The following SAMSN1 variants were observed in gnomAD, a reference collection of about 807,000 sequenced individuals.
SAMSN1 encodes SAM domain, SH3 domain and nuclear localization signals 1, also known as SAM domain-containing protein SAMSN-1.
A neutral mutation model predicts 42.0 loss-of-function variants in SAMSN1; 31 were observed. The observed-to-expected ratio is 0.74, with a 90% CI of 0.55 to 1.00. The LOEUF (loss-of-function observed/expected upper bound fraction) is 1.00. SAMSN1 is among the 50% of genes least tolerant of loss of function. The pLI is 0.00. For missense variants in SAMSN1, 464 were observed against 439.4 expected, an observed-to-expected ratio of 1.06 and a Z score of -0.50; for synonymous variants, 178 against 151.9, an observed-to-expected ratio of 1.17 and a Z score of -1.26.
At chr21:14,554,241 C>G (rs1316374989) in intron 2 of SAMSN1, among the ~76,000 whole-genome samples, 1 of 152,054 alleles carries the variant, frequency 6.6e-6, no homozygotes, top group Non-Finnish European at 1.5e-5. Flanking sequence ...ACCACACTGC[C>G]TAGGTTCAAA....
intron 1 of SAMSN1, among the ~76,000 whole-genome samples, chr21:14,523,733 C>T (rs1253247137): frequency 6.6e-6 from 1 of 152,144 alleles, no homozygotes; most frequent in Non-Finnish European, 1.5e-5. Flanking sequence ...GGTGCGATTT[C>T]CACAATGGGA....
upstream of SAMSN1, among the ~76,000 whole-genome samples, chr21:14,587,765 T>A (rs1055251672): frequency 6.6e-6 from 1 of 151,918 alleles, no homozygotes; most frequent in African/African-American, 2.4e-5. Context: ...ATTTATTTAT[T>A]TTTTAAATTT....
intron 2 of SAMSN1, among the ~76,000 whole-genome samples, chr21:14,616,738 G>A (rs936146757): frequency 6.6e-6 from 1 of 152,146 alleles, no homozygotes; most frequent in Non-Finnish European, 1.5e-5. Context: ...TTCTGGAGAG[G>A]TTCATTTGTT....
At chr21:14,534,732 T>G (rs2123110594) in intron 1 of SAMSN1, among the ~76,000 whole-genome samples, 1 of 152,278 alleles carries the variant, frequency 6.6e-6, no homozygotes, top group East Asian at 1.9e-4. Flanking sequence ...ATGGTAATTT[T>G]CTTAATTCTC....
intron 2 of SAMSN1, among the ~76,000 whole-genome samples, chr21:14,641,633 G>A (rs897082596): frequency 6.6e-6 from 1 of 152,056 alleles, no homozygotes; most frequent in African/African-American, 2.4e-5. Context: ...CTGAATAAAT[G>A]ATCATTATTA....
chr21:14,605,664 T>A (rs1982544380), intron 5 of SAMSN1, among the ~76,000 whole-genome samples: 1 of 152,062 alleles, frequency 6.6e-6, no homozygotes, highest in South Asian at 2.1e-4. Flanking sequence ...CAAATGATAT[T>A]GACTAGAATT....
chr21:14,621,595 G>GGAGGGGCGCCCACCATTGCC (rs199797741), intron 2 of SAMSN1, among the ~76,000 whole-genome samples: 1 of 151,562 alleles, frequency 6.6e-6, no homozygotes, highest in African/African-American at 2.4e-5. Context: ...AGAGGCTGGG[G>GGAGGGGCGCCCACCATTGCC]GAGGCTTGAG....
chr21:14,541,517 TTTTTTTG>T (rs1568799157), intron 1 of SAMSN1, among the ~76,000 whole-genome samples: 1 of 85,234 alleles, frequency 1.2e-5, no homozygotes, highest in Non-Finnish European at 2.3e-5. Context: ...TTTTTGTGGT[TTTTTTTG>T]TTTGTTTGTT....
intron 3 of SAMSN1, among the ~76,000 whole-genome samples, chr21:14,516,207 C>A (rs73344174): frequency 0.031 from 4,731 of 152,108 alleles, 231 homozygotes; most frequent in African/African-American, 0.11. Context: ...TTCATAATAG[C>A]CAAAAAGTGA....
At chr21:14,613,185 T>G (rs1982753448) in intron 3 of SAMSN1, among the ~76,000 whole-genome samples, 1 of 152,160 alleles carries the variant, frequency 6.6e-6, no homozygotes, top group African/African-American at 2.4e-5. Context: ...TGAAGGTATC[T>G]CAGGATAACC....
At chr21:14,572,693 G>C (rs749831562) in intron 2 of SAMSN1, among the ~76,000 whole-genome samples, 1 of 152,070 alleles carries the variant, frequency 6.6e-6, no homozygotes, top group African/African-American at 2.4e-5. Context: ...TTGAAGGCAG[G>C]GTCTCTAATT....
chr21:14,541,760 C>T (rs1980047756), intron 1 of SAMSN1, among the ~76,000 whole-genome samples: 1 of 152,178 alleles, frequency 6.6e-6, no homozygotes, highest in South Asian at 2.1e-4. Flanking sequence ...AATATTAGGT[C>T]ATTTTTTAAA....
At chr21:14,631,761 A>T (rs1983337311) in intron 2 of SAMSN1, among the ~76,000 whole-genome samples, 1 of 152,178 alleles carries the variant, frequency 6.6e-6, no homozygotes, top group Admixed American at 6.5e-5. Context: ...CCTCCTGGGG[A>T]TTCTTACAGA....
At chr21:14,591,071 T>C (rs1982068605) in intron 7 of SAMSN1, among the ~76,000 whole-genome samples, 1 of 152,202 alleles carries the variant, frequency 6.6e-6, no homozygotes, top group Non-Finnish European at 1.5e-5. Context: ...AAATGAAATA[T>C]TGATTGAAGA....
chr21:14,567,966 G>T (rs1448978023), intron 2 of SAMSN1, among the ~76,000 whole-genome samples: 3 of 152,072 alleles, frequency 2.0e-5, no homozygotes, highest in African/African-American at 7.2e-5. Context: ...AAAAATCAGA[G>T]AATAAAAAAT....
rs1982413944 is a variant in SAMSN1 at position 14,600,989 on chromosome 21, A to G, written c.399+1034T>C. ...CATAGAACTATAGTGTTTTAATGACAGGTCTCACTGAATCCCATGAAAGTA... is the reference window on the plus strand; with the variant it reads ...CATAGAACTATAGTGTTTTAATGACGGGTCTCACTGAATCCCATGAAAGTA... On this transcript the variant is annotated intron_variant, in intron 6 of 15. Coordinates refer to the SAMSN1 transcript ENST00000647101. Among the ~76,000 whole-genome samples, 7 of 152,240 alleles carry G rather than the reference A, an allele frequency of 4.6e-5. No individual in the cohort carries two copies. The South Asian group carries it at 1.2e-3, about 27-fold the overall frequency.
At chr21:14,530,295 C>A (rs1235655699) in intron 1 of SAMSN1, among the ~76,000 whole-genome samples, 2 of 111,762 alleles carry the variant, frequency 1.8e-5, no homozygotes, top group South Asian at 2.8e-4. Context: ...CCAGCCTGGG[C>A]AACAGAGCGA....
chr21:14,488,292 A>C (rs1330603529), intron 7 of SAMSN1, among the ~76,000 whole-genome samples: 1 of 152,148 alleles, frequency 6.6e-6, no homozygotes, highest in Non-Finnish European at 1.5e-5. Context: ...TCAATGCAAA[A>C]TTAAAAGAAC....
In SAMSN1 at chr21:14,561,104, C is replaced by T. The variant is rs77435881; in HGVS notation, c.261+21032G>A. On this transcript the variant is annotated intron_variant, in intron 2 of 8. Coordinates refer to the SAMSN1 transcript ENST00000285670. ...CTTTCCTAATTTCTCCTGTAGATAA[C>T]ATCACTATTGTAGAATCTAAGATTG... Among the ~76,000 whole-genome samples the T allele has an allele frequency of 7.6e-3, 1,155 of 152,240 alleles. 10 individuals are homozygous for T. Among genetic ancestry groups the T allele is most frequent in the African/African-American group, 0.026 (1,092 of 41,528 alleles).
Sources: allele counts gnomAD v4.1 joint callset (sites outside exome capture counted in the v4.1 genomes callset), GRCh38; gene constraint gnomAD v4.1.1; transcripts MANE v1.5; gene names NCBI Gene and HGNC (gene_info 2026-07-23, HGNC 2026-07-21).